The following ERF variants were observed in gnomAD, a reference collection of about 807,000 sequenced individuals.
ERF encodes ETS domain-containing transcription factor ERF.
A neutral mutation model predicts 41.6 loss-of-function variants in ERF; 10 were observed. The observed-to-expected ratio is 0.24, with a 90% CI of 0.15 to 0.41. The LOEUF is 0.41. ERF is among the 10% of genes least tolerant of loss of function. ERF has a pLI of 1.00. For synonymous variants in ERF, 395 were observed against 342.4 expected, an observed-to-expected ratio of 1.15 and a Z score of -1.70; for missense variants, 621 against 763.2, an observed-to-expected ratio of 0.81 and a Z score of 2.19.
At chr19:42,254,874 G>C in intron 1 of ERF, 104 bp downstream of exon 1, 1 of 1,312,830 alleles carries the variant, frequency 7.6e-7, no homozygotes, top group East Asian at 3.0e-5. Context: ...CCCAGAACTG[G>C]GGATCACTCG....
At position 42,249,845 on chromosome 19, in the gene ERF, T is replaced by G. The variant is rs1256078218; in HGVS notation, c.355A>C (p.Ile119Leu). Residue 119 changes from isoleucine to leucine, a missense_variant, in exon 3 of 4, where the codon ATT becomes CTT. Around this residue, in one of 3 missense-constraint regions of ERF, gnomAD observed 569 missense variants for 625.5 expected, o/e 0.91. Coordinates refer to ENST00000222329, the MANE Select transcript of ERF (RefSeq NM_006494.4). The surrounding 1 kb of genome is among the most constrained non-coding windows in gnomAD (Gnocchi z 8.6). Reference sequence around the variant, plus strand: ...TACTCACCAGCCAACCCCACATCAATGAATGGGTAATTGACCAGCACCAGT... The same window carrying G: ...TACTCACCAGCCAACCCCACATCAAGGAATGGGTAATTGACCAGCACCAGT... The part of the protein sequence containing the change: ...NKLVLVNYPF[I>L]DVGLAGGAVP... The G allele has an allele frequency of 2.5e-6, 4 of 1,614,110 alleles. No homozygotes were observed. Among genetic ancestry groups the G allele is most frequent in the East Asian group, 4.5e-5 (2 of 44,884 alleles).
Position 42,250,908 on chromosome 19 carries a change from C to T in ERF, c.23-343G>A, listed in dbSNP as rs1199012593. On this transcript the variant is annotated intron_variant, in intron 1 of 3. Coordinates refer to ENST00000222329, the MANE Select transcript of ERF (RefSeq NM_006494.4). This position sits in a 1 kb window ranked among gnomAD's most constrained non-coding sequence, Gnocchi z 5.1. ...TGGGGGAGGGGCAGGAAGGGGCACA[C>T]GTGGCCAGCCGGGTTGGGGTACAGC... Among the ~76,000 whole-genome samples the T allele has an allele frequency of 6.6e-6, 1 of 152,054 alleles. No individual in the cohort carries two copies. Among genetic ancestry groups the T allele is most frequent in the Admixed American group, 6.5e-5 (1 of 15,274 alleles).
chr19:42,254,086 G>A (rs1232491672), intron 1 of ERF, among the ~76,000 whole-genome samples: 1 of 150,378 alleles, frequency 6.6e-6, no homozygotes, highest in South Asian at 2.1e-4. Context: ...GTGGGAGGGG[G>A]AGTTAATCCC....
At chr19:42,253,810 G>GA in intron 1 of ERF, 4 of 915,808 alleles carry the variant, frequency 4.4e-6, no homozygotes, top group African/African-American at 1.8e-5. Flanking sequence ...GTGGGGATGG[G>GA]GTGGGGTGGG....
intron 1 of ERF, chr19:42,251,141 C>T (rs2036438921): frequency 2.3e-6 from 2 of 872,264 alleles, no homozygotes; most frequent in Non-Finnish European, 2.7e-6. Context: ...TCAGCGCTTG[C>T]ACACACAGAG....
rs370015013 is a variant in ERF at position 42,250,310 on chromosome 19, G to A, written c.257+21C>T. 8.3e-5 allele frequency: 134 copies of A among 1,610,948 alleles called. 1 individual carries two copies. The South Asian group carries it at 1.3e-3, about 16-fold the overall frequency. ...GGGGGGGCACTCCACATGTGCTCAGGGGTCCCCAGCCCGTCCTCACCGCAG... is the reference window on the plus strand; with the variant it reads ...GGGGGGGCACTCCACATGTGCTCAGAGGTCCCCAGCCCGTCCTCACCGCAG... On this transcript the variant is annotated intron_variant, in intron 2 of 3. Transcript: ENST00000222329. The surrounding 1 kb of genome is among the most constrained non-coding windows in gnomAD (Gnocchi z 5.1).
intron 1 of ERF, chr19:42,251,147 C>CA: frequency 1.1e-6 from 1 of 911,850 alleles, no homozygotes; most frequent in Non-Finnish European, 1.3e-6. Flanking sequence ...CTTGCACACA[C>CA]AGAGGCTTCT....
chr19:42,254,758 C>A, intron 1 of ERF: 1 of 459,494 alleles, frequency 2.2e-6, no homozygotes, highest in Non-Finnish European at 3.8e-6. Flanking sequence ...AGGACCAAGA[C>A]CCGCAGCACC....
rs763838721 is a variant in ERF at position 42,253,106 on chromosome 19, G to A, written c.22+1872C>T. The stretch of plus-strand genomic sequence containing the variant: ...CAGACAGACTATGCAAGCCTGGGGG[G>A]ACAAAACTCCTGGGCACCCCCCAAC... On this transcript the variant is annotated intron_variant, in intron 1 of 3. Transcript: ENST00000222329. Among the ~76,000 whole-genome samples, 5 of 152,286 alleles carry A rather than the reference G, an allele frequency of 3.3e-5. 2 individuals are homozygous for A. In the Middle Eastern group the frequency reaches 0.01, roughly 311 times the overall value.
Position 42,255,021 on chromosome 19 carries a change from C to T in ERF, c.-22G>A. On this transcript the variant is annotated 5_prime_UTR_variant, in exon 1 of 4. Coordinates refer to ENST00000222329, the MANE Select transcript of ERF (RefSeq NM_006494.4). ...TCATGCTGGGGGGCCCGGGGCGAAG[C>T]GCCCCGATTCCGGGCCGCGGCTCCC... The T allele has an allele frequency of 7.1e-7, 1 of 1,408,596 alleles. No individual in the cohort carries two copies. Among genetic ancestry groups the T allele is most frequent in the Non-Finnish European group, 9.2e-7 (1 of 1,081,680 alleles). 87.3% of individuals were successfully genotyped at this position (1,408,596 alleles called of 1,614,324 possible).
Sources: gnomAD v4.1 joint callset for allele counts (sites outside exome capture counted in the v4.1 genomes callset) on GRCh38, gnomAD v4.1.1 for gene constraint, gnomAD v4.1.1 regional missense constraint, Gnocchi (gnomAD v3.1) non-coding constraint, MANE v1.5 for transcripts, NCBI Gene and HGNC (gene_info 2026-07-23, HGNC 2026-07-21) for gene names.